MAP2: variants seen among roughly 807,000 people sequenced by gnomAD.
MAP2 encodes the protein microtubule associated protein 2.
MAP2 carries 14 observed loss-of-function variants against 137.6 expected under a neutral mutation model. The ratio of observed to expected loss-of-function variants is 0.10; its 90% CI spans 0.07 to 0.16. The LOEUF is 0.16. Ranked by LOEUF, MAP2 falls within the 10% of genes least tolerant of loss-of-function variation. The pLI is 1.00. For synonymous variants in MAP2, 786 were observed against 782.3 expected, an observed-to-expected ratio of 1.00 and a Z score of -0.08; for missense variants, 2,088 against 2,191.5, an observed-to-expected ratio of 0.95 and a Z score of 0.94.
intron 2 of MAP2, among the ~76,000 whole-genome samples, chr2:209,566,217 A>AT (rs1280911370): frequency 2.0e-5 from 3 of 152,150 alleles, no homozygotes; most frequent in African/African-American, 7.2e-5. Context: ...AGGACCAACC[A>AT]TCCTAATTAA....
intron 3 of MAP2, among the ~76,000 whole-genome samples, chr2:209,585,074 G>A (rs1038357601): frequency 1.3e-5 from 2 of 152,024 alleles, no homozygotes; most frequent in African/African-American, 4.8e-5. Flanking sequence ...TGGATATGTG[G>A]GTGGACTGGG....
chr2:209,526,094 G>T (rs1425802427), intron 2 of MAP2, among the ~76,000 whole-genome samples: 3 of 152,090 alleles, frequency 2.0e-5, no homozygotes, highest in East Asian at 1.9e-4. Flanking sequence ...CACAGAGGAG[G>T]TTTGTTTACA....
chr2:209,473,156 G>A (rs560975415), intron 1 of MAP2, among the ~76,000 whole-genome samples: 2 of 152,096 alleles, frequency 1.3e-5, no homozygotes, highest in South Asian at 4.2e-4. Context: ...CTGTATTTTG[G>A]TCTGGTCTGT....
chr2:209,484,141 G>A (rs779056481), intron 1 of MAP2, among the ~76,000 whole-genome samples: 7 of 152,128 alleles, frequency 4.6e-5, no homozygotes, highest in Non-Finnish European at 1.0e-4. Context: ...TAAAGAAAAT[G>A]CATTTGCATT....
At chr2:209,521,213 C>T (rs2063228516) in intron 2 of MAP2, among the ~76,000 whole-genome samples, 1 of 152,084 alleles carries the variant, frequency 6.6e-6, no homozygotes, top group South Asian at 2.1e-4. Flanking sequence ...ACAAGAAAGA[C>T]ACAGTCTTGC....
At chr2:209,606,768 C>G (rs769744400) in intron 3 of MAP2, among the ~76,000 whole-genome samples, 1 of 151,834 alleles carries the variant, frequency 6.6e-6, no homozygotes, top group African/African-American at 2.4e-5. Flanking sequence ...ATATATGAGC[C>G]CTGCTTGGAG....
chr2:209,555,396 G>A (rs1208057041), intron 2 of MAP2, among the ~76,000 whole-genome samples: 1 of 152,152 alleles, frequency 6.6e-6, no homozygotes, highest in Non-Finnish European at 1.5e-5. Flanking sequence ...TATAGGGGAA[G>A]CTGTTTTAAT....
At chr2:209,595,654 C>T (rs2081056767) in intron 3 of MAP2, among the ~76,000 whole-genome samples, 1 of 152,176 alleles carries the variant, frequency 6.6e-6, no homozygotes, top group Admixed American at 6.5e-5. Context: ...AAGACACATG[C>T]ACATGTATGT....
intron 2 of MAP2, among the ~76,000 whole-genome samples, chr2:209,544,542 C>A (rs1324972943): frequency 6.6e-6 from 1 of 152,168 alleles, no homozygotes; most frequent in Non-Finnish European, 1.5e-5. Flanking sequence ...TTCCAAATTG[C>A]TGCTTAGGCC....
In MAP2 at chr2:209,653,370, A is replaced by G. The variant is rs767092603; in HGVS notation, c.200A>G (p.Tyr67Cys). 2.9e-5 allele frequency: 46 copies of G among 1,613,870 alleles called. No individual in the cohort carries two copies. Among genetic ancestry groups the G allele is most frequent in the Non-Finnish European group, 3.7e-5 (44 of 1,179,942 alleles). ...GGAGAGCATGGGTCACAGGGCACCT[A>G]TTCAAATACCAAAGAGAATGGGATC... ...AFGEHGSQGTYSNTKENGING... is the reference protein window; with the variant it reads ...AFGEHGSQGTCSNTKENGING... Residue 67 changes from tyrosine (Y) to cysteine (C), a missense_variant, in exon 5 of 16, where the codon TAT becomes TGT. Transcript: ENST00000682079.
chr2:209,726,586 C>G (rs768399290), intron 14 of MAP2, among the ~76,000 whole-genome samples: 1 of 152,104 alleles, frequency 6.6e-6, no homozygotes, highest in African/African-American at 2.4e-5. Context: ...AGGGAAACCC[C>G]TGTCTCAATA....
chr2:209,519,638 A>G lies in MAP2; in HGVS notation c.-172+11997A>G, dbSNP rs181332981. On this transcript the variant is annotated intron_variant, in intron 2 of 15. Transcript: ENST00000682079. ...AACAAAGAAAGAAATTCTAAAAGAA[A>G]AGGGAGGGTAGAAAGCAGTCTCTAT... Among the ~76,000 whole-genome samples the G allele has an allele frequency of 3.0e-3, 451 of 152,216 alleles. 2 individuals carry two copies. The highest frequency in any genetic ancestry group is 0.01 in the African/African-American group (419 of 41,570).
At chr2:209,699,811 G>A (rs548052651) in intron 10 of MAP2, among the ~76,000 whole-genome samples, 8 of 152,262 alleles carry the variant, frequency 5.3e-5, no homozygotes, top group South Asian at 2.1e-4. Context: ...GTAAAATACC[G>A]AAATATCTAT....
chr2:209,709,832 T>C, intron 12 of MAP2, 82 bp from the exon 13 acceptor site: 1 of 986,474 alleles, frequency 1.0e-6, no homozygotes, highest in Non-Finnish European at 1.5e-6. Flanking sequence ...GTATTATGAC[T>C]TCTAACAATC....
chr2:209,508,358 C>G (rs537712469), intron 2 of MAP2, among the ~76,000 whole-genome samples: 1 of 151,238 alleles, frequency 6.6e-6, no homozygotes, highest in Non-Finnish European at 1.5e-5. Flanking sequence ...TGTTGCTAAA[C>G]TTTTTGTATA....
chr2:209,494,572 A>G (rs1480225692), intron 1 of MAP2, among the ~76,000 whole-genome samples: 7 of 152,162 alleles, frequency 4.6e-5, no homozygotes, highest in Non-Finnish European at 7.3e-5. Flanking sequence ...GTTACCCTGT[A>G]TGGTCTAAAA....
intron 1 of MAP2, among the ~76,000 whole-genome samples, chr2:209,486,312 C>G (rs1422209182): frequency 6.6e-6 from 1 of 152,086 alleles, no homozygotes; most frequent in Non-Finnish European, 1.5e-5. Flanking sequence ...ACTGCAACCC[C>G]TGCCTCCCAG....
At chr2:209,493,253 T>C (rs1403957470) in intron 1 of MAP2, among the ~76,000 whole-genome samples, 4 of 152,206 alleles carry the variant, frequency 2.6e-5, no homozygotes, top group Non-Finnish European at 5.9e-5. Flanking sequence ...CTGGACCCCT[T>C]CGTTACACTG....
At chr2:209,495,719 A>C (rs916083126) in intron 1 of MAP2, among the ~76,000 whole-genome samples, 1 of 152,250 alleles carries the variant, frequency 6.6e-6, no homozygotes, top group African/African-American at 2.4e-5. Flanking sequence ...GATTAAATCA[A>C]TAATGCATCT....
Sources: gnomAD v4.1 joint callset for allele counts (sites outside exome capture counted in the v4.1 genomes callset) on GRCh38, gnomAD v4.1.1 for gene constraint, MANE v1.5 for transcripts, NCBI Gene and HGNC (gene_info 2026-07-23, HGNC 2026-07-21) for gene names.